UBE2H: variants seen among roughly 807,000 people sequenced by gnomAD.
UBE2H encodes the protein ubiquitin-conjugating enzyme E2 H.
Under a neutral mutation model 29.0 loss-of-function variants are expected in UBE2H, and 3 were observed. The ratio of observed to expected loss-of-function variants is 0.10; its 90% CI spans 0.05 to 0.27. UBE2H has a LOEUF of 0.27. UBE2H is among the 10% of genes least tolerant of loss of function. UBE2H has a pLI of 1.00. For synonymous variants in UBE2H, 69 were observed against 82.9 expected, an observed-to-expected ratio of 0.83 and a Z score of 0.91; for missense variants, 68 against 228.2, an observed-to-expected ratio of 0.30 and a Z score of 4.52.
intron 3 of UBE2H, among the ~76,000 whole-genome samples, chr7:129,872,292 A>T (rs996715921): frequency 6.6e-6 from 1 of 152,130 alleles, no homozygotes; most frequent in African/African-American, 2.4e-5. Flanking sequence ...CTGCTCAATG[A>T]AGTTACTCAT....
At chr7:129,894,959 G>C (rs2116407593) in intron 1 of UBE2H, among the ~76,000 whole-genome samples, 1 of 152,266 alleles carries the variant, frequency 6.6e-6, no homozygotes, top group South Asian at 2.1e-4. Context: ...CTCAAGACAT[G>C]AGACACTTCA....
intron 1 of UBE2H, among the ~76,000 whole-genome samples, chr7:129,887,629 T>C (rs1412427315): frequency 6.6e-6 from 1 of 152,082 alleles, no homozygotes; most frequent in Admixed American, 6.6e-5. Context: ...AAATAGCAAG[T>C]GATCCAGTAT....
At chr7:129,874,849 C>T (rs373941208) in intron 3 of UBE2H, among the ~76,000 whole-genome samples, 28 of 151,962 alleles carry the variant, frequency 1.8e-4, no homozygotes, top group East Asian at 1.5e-3. Flanking sequence ...GAAAGTTGCG[C>T]GTAAAGACAG....
chr7:129,943,795 G>A lies in UBE2H; in HGVS notation c.53+8708C>T, dbSNP rs767664942. ...CAGGCCCCTGTAATCCCAGCTACTC[G>A]GGAGGGTGAGGCAGGAGAATCGCTT... is the stretch of plus-strand genomic sequence containing the variant. On this transcript the variant is annotated intron_variant, in intron 1 of 6. Transcript: ENST00000355621. Among the ~76,000 whole-genome samples, 5 of 152,006 alleles carry A rather than the reference G, an allele frequency of 3.3e-5. No individual in the cohort carries two copies. The South Asian group carries it at 1.0e-3, about 32-fold the overall frequency.
chr7:129,894,180 G>A (rs778752347), intron 1 of UBE2H, among the ~76,000 whole-genome samples: 3 of 152,108 alleles, frequency 2.0e-5, no homozygotes, highest in Admixed American at 6.5e-5. Context: ...GGGACCAGGT[G>A]CAGTGGCTCA....
At chr7:129,851,212 G>A (rs547754981) in intron 5 of UBE2H, among the ~76,000 whole-genome samples, 1 of 152,290 alleles carries the variant, frequency 6.6e-6, no homozygotes, top group African/African-American at 2.4e-5. Context: ...CAAAAACACT[G>A]CTCTTGTTGC....
Position 129,952,498 on chromosome 7 carries a change from G to T in UBE2H, c.53+5C>A. 1 of 1,612,506 alleles carries T rather than the reference G, an allele frequency of 6.2e-7. No homozygotes were observed. The highest frequency in any genetic ancestry group is 8.5e-7 in the Non-Finnish European group (1 of 1,179,070). Reference sequence around the variant, plus strand: ...ACAGCCCGAATTCCCCTCCACGAAGGATACAGCTTGACCACGTCCGTGTCC... The same window carrying T: ...ACAGCCCGAATTCCCCTCCACGAAGTATACAGCTTGACCACGTCCGTGTCC... On this transcript the variant is annotated splice_donor_5th_base_variant and intron_variant, in intron 1 of 6. Transcript: ENST00000355621.
chr7:129,934,638 TAAAAAA>T (rs758214225), intron 1 of UBE2H, among the ~76,000 whole-genome samples: 2 of 65,850 alleles, frequency 3.0e-5, no homozygotes, highest in East Asian at 4.9e-4. Flanking sequence ...ACTCCGTCTT[TAAAAAA>T]AAAAAAAAAA....
At chr7:129,859,649 T>A (rs541420501) in intron 3 of UBE2H, among the ~76,000 whole-genome samples, 1 of 152,344 alleles carries the variant, frequency 6.6e-6, no homozygotes, top group South Asian at 2.1e-4. Flanking sequence ...TATGGCCATT[T>A]GAACTTCAAG....
intron 6 of UBE2H, among the ~76,000 whole-genome samples, chr7:129,836,781 G>C (rs1296665952): frequency 6.6e-6 from 1 of 150,570 alleles, no homozygotes; most frequent in African/African-American, 2.4e-5. Context: ...TCGGGAGGCT[G>C]AGGAAGGAGA....
At chr7:129,883,269 A>G (rs1291927736) in intron 1 of UBE2H, among the ~76,000 whole-genome samples, 2 of 152,178 alleles carry the variant, frequency 1.3e-5, no homozygotes, top group Non-Finnish European at 2.9e-5. Context: ...TATTTTTTTA[A>G]AAATAGACAC....
At chr7:129,897,830 AAAATAGT>A (rs1237937811) in intron 1 of UBE2H, among the ~76,000 whole-genome samples, 1 of 152,246 alleles carries the variant, frequency 6.6e-6, no homozygotes, top group East Asian at 1.9e-4. Flanking sequence ...GAGATATAGA[AAAATAGT>A]GTCTTCTTGA....
intron 1 of UBE2H, among the ~76,000 whole-genome samples, chr7:129,914,371 T>C (rs1011227964): frequency 6.6e-5 from 10 of 152,134 alleles, no homozygotes; most frequent in Non-Finnish European, 5.9e-5. Flanking sequence ...TTTGCCATGT[T>C]GGCCAGGGTG....
intron 3 of UBE2H, among the ~76,000 whole-genome samples, chr7:129,876,414 T>C (rs1283381301): frequency 2.6e-5 from 4 of 152,184 alleles, no homozygotes; most frequent in South Asian, 2.1e-4. Context: ...ATGAAAAATA[T>C]GAAAGTCTGA....
rs1019360916 is a variant in UBE2H, at chr7:129,833,117, A to C, written c.*1820T>G. 1.3e-5 allele frequency: 2 copies of C among 152,194 alleles called. No individual in the cohort carries two copies. The highest frequency in any genetic ancestry group is 2.9e-5 in the Non-Finnish European group (2 of 67,968). 9.4% of individuals were successfully genotyped at this position (152,194 alleles called of 1,614,324 possible). Reference sequence around the variant, plus strand: ...GCACTTTTTTTTTTTTTTAAAGAAAACCTTTTGCTTCATGCCCGTAATTAA... The same window carrying C: ...GCACTTTTTTTTTTTTTTAAAGAAACCCTTTTGCTTCATGCCCGTAATTAA... On this transcript the variant is annotated 3_prime_UTR_variant, in exon 7 of 7. Transcript: ENST00000355621.
chr7:129,848,024 T>C (rs963907060), intron 5 of UBE2H, among the ~76,000 whole-genome samples: 17 of 152,242 alleles, frequency 1.1e-4, no homozygotes, highest in Admixed American at 2.6e-4. Context: ...TTAAAGGCTC[T>C]ATACTCTCGC....
intron 5 of UBE2H, among the ~76,000 whole-genome samples, chr7:129,849,604 CAATT>C (rs1563021489): frequency 6.6e-6 from 1 of 152,062 alleles, no homozygotes; most frequent in African/African-American, 2.4e-5. Flanking sequence ...AATAATAAAA[CAATT>C]AATTTGAACT....
chr7:129,891,496 T>TA (rs1448273502), intron 1 of UBE2H, among the ~76,000 whole-genome samples: 1 of 152,072 alleles, frequency 6.6e-6, no homozygotes, highest in South Asian at 2.1e-4. Flanking sequence ...AACAGGAACT[T>TA]AATTTTTTTA....
At chr7:129,871,282 T>C (rs538545908) in intron 3 of UBE2H, among the ~76,000 whole-genome samples, 2 of 152,360 alleles carry the variant, frequency 1.3e-5, no homozygotes, top group South Asian at 4.1e-4. Context: ...ACATAATTTT[T>C]GAAAAATGTT....
Sources: allele counts gnomAD v4.1 joint callset (sites outside exome capture counted in the v4.1 genomes callset), GRCh38; gene constraint gnomAD v4.1.1; transcripts MANE v1.5; gene names NCBI Gene and HGNC (gene_info 2026-07-23, HGNC 2026-07-21).